FHL2: variants seen among roughly 807,000 people sequenced by gnomAD.
The protein encoded by FHL2 is four and a half LIM domains 2, also known as four and a half LIM domains protein 2.
Under a neutral mutation model 32.7 loss-of-function variants are expected in FHL2, and 20 were observed. That is an observed-to-expected ratio of 0.61 (90% CI 0.43 to 0.89). FHL2 has a LOEUF of 0.89. Ranked by LOEUF, FHL2 falls within the 40% of genes least tolerant of loss-of-function variation. FHL2 has a pLI of 0.00. For synonymous variants in FHL2, 123 were observed against 128.1 expected, an observed-to-expected ratio of 0.96 and a Z score of 0.27; for missense variants, 311 against 358.6, an observed-to-expected ratio of 0.87 and a Z score of 1.07.
intron 1 of FHL2, among the ~76,000 whole-genome samples, chr2:105,437,103 A>G (rs1684635895): frequency 1.3e-5 from 2 of 152,228 alleles, no homozygotes; most frequent in Non-Finnish European, 2.9e-5. Context: ...ACCTGCTGAA[A>G]GGCAAGATGG....
At chr2:105,422,535 T>C (rs1387434051) in intron 1 of FHL2, among the ~76,000 whole-genome samples, 1 of 151,870 alleles carries the variant, frequency 6.6e-6, no homozygotes, top group African/African-American at 2.4e-5. Context: ...AGATAAGACA[T>C]GATCTACAAA....
intron 1 of FHL2, among the ~76,000 whole-genome samples, chr2:105,434,056 C>A (rs1684516826): frequency 6.6e-6 from 1 of 152,200 alleles, no homozygotes; most frequent in African/African-American, 2.4e-5. Flanking sequence ...TTCCTTCTCA[C>A]CTGTAATGTT....
At chr2:105,412,976 C>CGTAGCTCA (rs1371089266) in intron 1 of FHL2, among the ~76,000 whole-genome samples, 1 of 152,134 alleles carries the variant, frequency 6.6e-6, no homozygotes, top group Non-Finnish European at 1.5e-5. Context: ...AGAAATTCCA[C>CGTAGCTCA]GTAGCTCAGT....
intron 3 of FHL2, chr2:105,386,006 G>A (rs1452372990): frequency 5.0e-6 from 2 of 396,518 alleles, no homozygotes; most frequent in Non-Finnish European, 8.9e-6. Context: ...CCTGCTCCAC[G>A]TTACTCACCA....
At chr2:105,386,787 C>T (rs1447566925) in intron 2 of FHL2, among the ~76,000 whole-genome samples, 1 of 70,054 alleles carries the variant, frequency 1.4e-5, no homozygotes, top group African/African-American at 6.2e-5. Flanking sequence ...TTTTTGGAGA[C>T]AGAGTCTTGT....
chr2:105,415,453 T>C (rs1386464358), intron 1 of FHL2, among the ~76,000 whole-genome samples: 1 of 152,264 alleles, frequency 6.6e-6, no homozygotes, highest in Non-Finnish European at 1.5e-5. Context: ...ACCGTGTGCA[T>C]TGATTACCTG....
chr2:105,398,834 CCT>C lies in FHL2; in HGVS notation c.-76+6_-76+7del. The C allele has an allele frequency of 6.9e-7, 1 of 1,440,204 alleles. No homozygotes were observed. The highest frequency in any genetic ancestry group is 9.1e-7 in the Non-Finnish European group (1 of 1,097,916). The allele number at this position is 1,440,204 out of a possible 1,614,324, so 89.2% of individuals were successfully genotyped here. ...CTTCCCGGACCCACAGCTCTGCTCTCCTCTCACCAGTCTCCCCAACTCCGGCT... is the reference window on the plus strand; with the variant it reads ...CTTCCCGGACCCACAGCTCTGCTCTCCTCACCAGTCTCCCCAACTCCGGCT... On this transcript the variant is annotated splice_donor_region_variant and intron_variant, in intron 1 of 6. Coordinates refer to ENST00000530340, the MANE Select transcript of FHL2 (RefSeq NM_001318895.3).
At chr2:105,402,746 G>A (rs367745442), upstream of FHL2, among the ~76,000 whole-genome samples, 27 of 152,294 alleles carry the variant, frequency 1.8e-4, no homozygotes, top group African/African-American at 5.8e-4. Context: ...AAATTTTCAT[G>A]AGACAATCTA....
At chr2:105,393,400 T>G (rs1407591887) in intron 2 of FHL2, among the ~76,000 whole-genome samples, 1 of 152,124 alleles carries the variant, frequency 6.6e-6, no homozygotes, top group Non-Finnish European at 1.5e-5. Context: ...TCACCGGGGA[T>G]CCGCAAGGGA....
At chr2:105,415,349 A>G (rs1683902841) in intron 1 of FHL2, among the ~76,000 whole-genome samples, 1 of 152,250 alleles carries the variant, frequency 6.6e-6, no homozygotes, top group African/African-American at 2.4e-5. Flanking sequence ...GGAGTTGGCA[A>G]TAGTAGTTGC....
intron 1 of FHL2, among the ~76,000 whole-genome samples, chr2:105,410,119 G>T (rs1683749586): frequency 6.6e-6 from 1 of 152,236 alleles, no homozygotes; most frequent in Admixed American, 6.5e-5. Flanking sequence ...GGACACAGGA[G>T]AAGTTTGCTA....
chr2:105,426,146 C>T (rs1684261168), intron 1 of FHL2, among the ~76,000 whole-genome samples: 1 of 152,086 alleles, frequency 6.6e-6, no homozygotes, highest in African/African-American at 2.4e-5. Flanking sequence ...TTCTATCTTG[C>T]ATGCAAGCTT....
At chr2:105,394,600 G>GGAAAGAAA (rs755342586) in intron 2 of FHL2, among the ~76,000 whole-genome samples, 2 of 148,740 alleles carry the variant, frequency 1.3e-5, no homozygotes, top group South Asian at 4.3e-4. Context: ...AAGAAAAGAA[G>GGAAAGAAA]GAAAGAAAGA....
At chr2:105,376,676 G>T (rs560127304) in intron 3 of FHL2, 1 of 152,306 alleles carries the variant, frequency 6.6e-6, no homozygotes, top group East Asian at 1.9e-4. Context: ...ATACCCAAAA[G>T]AATTAAAAGT....
At chr2:105,434,916 A>G (rs915787664) in intron 1 of FHL2, among the ~76,000 whole-genome samples, 6 of 152,130 alleles carry the variant, frequency 3.9e-5, no homozygotes, top group Non-Finnish European at 8.8e-5. Context: ...TTGGTTATTT[A>G]TGATTTTTAT....
At chr2:105,377,283 G>T (rs1157867704) in intron 3 of FHL2, among the ~76,000 whole-genome samples, 1 of 152,178 alleles carries the variant, frequency 6.6e-6, no homozygotes, top group Non-Finnish European at 1.5e-5. Flanking sequence ...CTTAACAGTG[G>T]TTAAGAAGGT....
chr2:105,406,337 A>G (rs1683628809), intron 1 of FHL2, among the ~76,000 whole-genome samples: 1 of 152,174 alleles, frequency 6.6e-6, no homozygotes, highest in South Asian at 2.1e-4. Flanking sequence ...ATTACTCCTC[A>G]GTAAGACCAG....
At chr2:105,429,459 G>A (rs1345322326) in intron 1 of FHL2, among the ~76,000 whole-genome samples, 1 of 152,278 alleles carries the variant, frequency 6.6e-6, no homozygotes, top group Non-Finnish European at 1.5e-5. Flanking sequence ...AGGAGAGCCA[G>A]GGTGAAAGAG....
rs1009213718 is a variant in FHL2 at position 105,360,926 on chromosome 2, T to C, written c.*357A>G. 4 of 175,464 alleles carry C rather than the reference T, an allele frequency of 2.3e-5. No homozygotes were observed. The highest frequency in any genetic ancestry group is 3.6e-5 in the Non-Finnish European group (3 of 83,000). 10.9% of individuals were successfully genotyped at this position (175,464 alleles called of 1,614,324 possible). ...TAAATAACAACTGGTCATTACCTTA[T>C]TGAGTTTAGAAAACTTTCAAGTTCG... On this transcript the variant is annotated 3_prime_UTR_variant, in exon 7 of 7. Coordinates refer to ENST00000530340, the MANE Select transcript of FHL2 (RefSeq NM_001318895.3).
Sources: gnomAD v4.1 joint callset for allele counts (sites outside exome capture counted in the v4.1 genomes callset) on GRCh38, gnomAD v4.1.1 for gene constraint, MANE v1.5 for transcripts, NCBI Gene and HGNC (gene_info 2026-07-23, HGNC 2026-07-21) for gene names.